SRP54: variants seen among roughly 807,000 people sequenced by gnomAD.
The protein encoded by SRP54 is signal recognition particle subunit SRP54.
In SRP54, 10 loss-of-function variants were observed where a neutral mutation model predicts 64.8. The ratio of observed to expected loss-of-function variants is 0.15; its 90% CI spans 0.10 to 0.26. The LOEUF (loss-of-function observed/expected upper bound fraction) is 0.26, where lower values mean the gene tolerates loss of function less well. Among genes scored for constraint, SRP54 ranks in the 10% least tolerant of loss-of-function variants. SRP54 has a pLI of 1.00. For missense variants in SRP54, 325 were observed against 613.7 expected, an observed-to-expected ratio of 0.53 and a Z score of 4.97; for synonymous variants, 193 against 185.6, an observed-to-expected ratio of 1.04 and a Z score of -0.32.
At chr14:34,987,608 T>C (rs2043919834) in intron 1 of SRP54, among the ~76,000 whole-genome samples, 1 of 152,290 alleles carries the variant, frequency 6.6e-6, no homozygotes, top group African/African-American at 2.4e-5. Flanking sequence ...ATATGTTCAG[T>C]ACTTCATTTC....
intron 14 of SRP54, among the ~76,000 whole-genome samples, chr14:35,027,051 A>G (rs996598408): frequency 1.4e-5 from 2 of 143,004 alleles, no homozygotes; most frequent in African/African-American, 5.2e-5. Flanking sequence ...TTCTTCTGAG[A>G]CAGAGTCTTG....
At chr14:34,989,255 G>T (rs1395761501) in intron 1 of SRP54, among the ~76,000 whole-genome samples, 1 of 152,052 alleles carries the variant, frequency 6.6e-6, no homozygotes, top group African/African-American at 2.4e-5. Context: ...TCTATAATCC[G>T]AGCACTTTGG....
chr14:35,017,075 G>A (rs531097309), intron 11 of SRP54, among the ~76,000 whole-genome samples: 3 of 152,082 alleles, frequency 2.0e-5, no homozygotes, highest in Non-Finnish European at 2.9e-5. Context: ...GGCTGATCTC[G>A]AACTCCTGGC....
At chr14:35,023,306 T>TC (rs1452309856) in intron 14 of SRP54, among the ~76,000 whole-genome samples, 1 of 151,524 alleles carries the variant, frequency 6.6e-6, no homozygotes, top group East Asian at 1.9e-4. Flanking sequence ...AAAAAATTAA[T>TC]AAAGCAATGA....
chr14:35,002,893 A>C (rs572021905), intron 4 of SRP54, among the ~76,000 whole-genome samples: 1 of 147,806 alleles, frequency 6.8e-6, no homozygotes, highest in East Asian at 2.0e-4. Flanking sequence ...CTACAGGTAC[A>C]TGCCACCACG....
chr14:34,997,008 C>T (rs983213557), intron 2 of SRP54: 3 of 396,114 alleles, frequency 7.6e-6, no homozygotes, highest in Non-Finnish European at 1.4e-5. Context: ...AAAAAAAAAT[C>T]GAAAAAAACC....
At position 34,995,146 on chromosome 14, in the gene SRP54, T is replaced by G. The variant is rs1193914430; in HGVS notation, c.-33-1531T>G. On this transcript the variant is annotated intron_variant, in intron 1 of 15. Transcript: ENST00000216774. ...AGAATCAATAAAGGGTGTGTGTGTG[T>G]GTGTGTGTGTGTGTGTGTGTGTGTG... Among the ~76,000 whole-genome samples, 56 of 116,846 alleles carry G rather than the reference T, an allele frequency of 4.8e-4. 1 individual carries two copies. Among genetic ancestry groups the G allele is most frequent in the Non-Finnish European group, 8.1e-4 (40 of 49,224 alleles). The allele number at this position is 116,846 out of a possible 152,430, so 76.7% of individuals were successfully genotyped here.
chr14:34,985,934 TTTTA>T (rs1269496491), intron 1 of SRP54, among the ~76,000 whole-genome samples: 1 of 152,226 alleles, frequency 6.6e-6, no homozygotes, highest in Non-Finnish European at 1.5e-5. Flanking sequence ...CCTTTTCCTT[TTTTA>T]TTTTTCACTT....
At chr14:35,011,372 T>C (rs765361583) in intron 7 of SRP54, 137 bp from the exon 8 acceptor site, 4 of 547,286 alleles carry the variant, frequency 7.3e-6, no homozygotes, top group Non-Finnish European at 1.2e-5. Context: ...TTTAATACTT[T>C]ATAGATTTTC....
chr14:35,016,861 C>CT (rs2044451054), intron 11 of SRP54, among the ~76,000 whole-genome samples: 1 of 41,368 alleles, frequency 2.4e-5, no homozygotes, highest in South Asian at 9.9e-4. Context: ...TTTTTTTTTT[C>CT]TTCTTTTTTT....
At chr14:35,020,801 A>G (rs145157024) in intron 13 of SRP54, among the ~76,000 whole-genome samples, 234 of 152,326 alleles carry the variant, frequency 1.5e-3, no homozygotes, top group African/African-American at 5.5e-3. Context: ...TTTTATCATC[A>G]TAACAACTCC....
chr14:35,005,834 A>G (rs1191585972), intron 4 of SRP54, among the ~76,000 whole-genome samples: 1 of 152,078 alleles, frequency 6.6e-6, no homozygotes, highest in Non-Finnish European at 1.5e-5. Flanking sequence ...TAAATGTCCC[A>G]TGCTTTTTTT....
chr14:35,028,388 G>C (rs575794720), intron 15 of SRP54, among the ~76,000 whole-genome samples: 234 of 152,278 alleles, frequency 1.5e-3, no homozygotes, highest in African/African-American at 5.5e-3. Flanking sequence ...TGCCATCTGT[G>C]TGATGTTTGA....
chr14:35,001,152 GATT>G (rs1292623637), intron 4 of SRP54, 132 bp downstream of exon 4: 2 of 325,050 alleles, frequency 6.2e-6, no homozygotes, highest in Non-Finnish European at 1.1e-5. Flanking sequence ...TTAATGAAAG[GATT>G]ATTGAGTTTT....
intron 1 of SRP54, among the ~76,000 whole-genome samples, chr14:34,992,098 A>G (rs565262168): frequency 1.3e-5 from 2 of 152,142 alleles, no homozygotes; most frequent in South Asian, 2.1e-4. Context: ...AAGCCTGGCT[A>G]ATTTTTGTGT....
intron 14 of SRP54, among the ~76,000 whole-genome samples, chr14:35,026,220 G>GTTTGT (rs775673749): frequency 7.6e-5 from 10 of 132,306 alleles, no homozygotes; most frequent in Non-Finnish European, 9.9e-5. Flanking sequence ...TTTTTTGTTT[G>GTTTGT]TTTGTTTTGT....
At chr14:35,026,055 CAAAA>C (rs564680386) in intron 14 of SRP54, among the ~76,000 whole-genome samples, 4 of 99,634 alleles carry the variant, frequency 4.0e-5, no homozygotes, top group African/African-American at 8.3e-5. Flanking sequence ...GAGCCTGTCT[CAAAA>C]AAAAAAAAAA....
intron 11 of SRP54, among the ~76,000 whole-genome samples, chr14:35,017,299 C>T (rs1244087309): frequency 6.6e-6 from 1 of 152,186 alleles, no homozygotes; most frequent in African/African-American, 2.4e-5. Flanking sequence ...TAATATTCTA[C>T]TCATTCTGAG....
intron 13 of SRP54, 32 bp from the exon 14 acceptor site, chr14:35,022,878 T>TTG: frequency 6.5e-7 from 1 of 1,545,940 alleles, no homozygotes; most frequent in Non-Finnish European, 8.8e-7. Context: ...TGAATGATAA[T>TTG]TGTGTGTGAG....
Sources: gnomAD v4.1 joint callset for allele counts (sites outside exome capture counted in the v4.1 genomes callset) on GRCh38, gnomAD v4.1.1 for gene constraint, MANE v1.5 for transcripts, NCBI Gene and HGNC (gene_info 2026-07-23, HGNC 2026-07-21) for gene names.